Variants in IFT80 observed in about 807,000 individuals in gnomAD.
The protein encoded by IFT80 is intraflagellar transport 80.
A neutral mutation model predicts 107.9 loss-of-function variants in IFT80; 79 were observed. The observed-to-expected ratio is 0.73, with a 90% confidence interval of 0.61 to 0.88. The LOEUF is 0.88. Ranked by LOEUF, IFT80 falls within the 40% of genes least tolerant of loss-of-function variation. IFT80 has a pLI of 0.00. For synonymous variants in IFT80, 299 were observed against 300.9 expected (o/e 0.99, Z 0.07); for missense variants, 797 against 914.2 (o/e 0.87, Z 1.65).
chr3:160,268,740 C>G, intron 18 of IFT80: 1 of 547,702 alleles, frequency 1.8e-6, no homozygotes. Flanking sequence ...TCTCCCTGAC[C>G]AGCTCTTCTT....
intron 18 of IFT80, 129 bp downstream of exon 18, chr3:160,277,177 A>G (rs1170730748): frequency 3.8e-6 from 3 of 794,574 alleles, no homozygotes; most frequent in Non-Finnish European, 6.6e-6. Flanking sequence ...ACAAATATGA[A>G]TATGAATAAA....
At chr3:160,269,778 G>T (rs978988718) in intron 18 of IFT80, among the ~76,000 whole-genome samples, 1 of 152,092 alleles carries the variant, frequency 6.6e-6, no homozygotes, top group African/African-American at 2.4e-5. Context: ...CTGTCATCTT[G>T]TTTCAAAATA....
chr3:160,368,552 T>C (rs2108381941), intron 5 of IFT80, among the ~76,000 whole-genome samples: 1 of 152,052 alleles, frequency 6.6e-6, no homozygotes, highest in Non-Finnish European at 1.5e-5. Flanking sequence ...GTATATTTTC[T>C]GGGAATATTC....
At chr3:160,282,641 G>A in intron 13 of IFT80, 28 bp from the exon 14 acceptor site, 1 of 1,401,066 alleles carries the variant, frequency 7.1e-7, no homozygotes, top group South Asian at 1.2e-5. Context: ...TGTAAATACT[G>A]GGTTAGTTTT....
chr3:160,338,225 G>C (rs1483780251), intron 8 of IFT80, among the ~76,000 whole-genome samples: 1 of 152,114 alleles, frequency 6.6e-6, no homozygotes, highest in Non-Finnish European at 1.5e-5. Context: ...ATGGATAAAT[G>C]AAAAAACTCT....
chr3:160,360,339 A>G (rs1406303602), intron 6 of IFT80, among the ~76,000 whole-genome samples: 8 of 152,240 alleles, frequency 5.3e-5, no homozygotes. Flanking sequence ...AAAGCCTCCA[A>G]GAAATATGGG....
At position 160,301,026 on chromosome 3, in the gene IFT80, C is replaced by T; in HGVS notation, c.1172G>A (p.Gly391Asp). The T allele has an allele frequency of 6.3e-7, 1 of 1,582,706 alleles. No individual in the cohort carries two copies. The highest frequency in any genetic ancestry group is 8.6e-7 in the Non-Finnish European group (1 of 1,157,220). Residue 391 changes from glycine to aspartate, a missense_variant, in exon 12 of 20, where the codon GGT (glycine) becomes GAT (aspartate). Gly to Asp is a moderately conservative substitution (Grantham distance 94). Coordinates refer to ENST00000326448, the MANE Select transcript of IFT80 (RefSeq NM_020800.3). ...QAERHFLLVD[G>D]SSIYLYSYEG... ...ATATGAATATAAATAGATACTACTA[C>T]CATCTACAAGAAGAAAATGTCTAAA... is the stretch of plus-strand genomic sequence containing the variant.
chr3:160,355,981 C>T, intron 8 of IFT80, 32 bp downstream of exon 8: 1 of 1,612,750 alleles, frequency 6.2e-7, no homozygotes, highest in Non-Finnish European at 8.5e-7. Flanking sequence ...TTTATGACAG[C>T]ACATCTGTGA....
At chr3:160,395,383 T>C (rs560373284) in intron 1 of IFT80, among the ~76,000 whole-genome samples, 1 of 152,344 alleles carries the variant, frequency 6.6e-6, no homozygotes, top group African/African-American at 2.4e-5. Flanking sequence ...TAAATGTTAG[T>C]ATTTCCAGTG....
intron 9 of IFT80, among the ~76,000 whole-genome samples, chr3:160,317,414 T>G (rs1006339717): frequency 1.3e-5 from 2 of 152,118 alleles, no homozygotes; most frequent in African/African-American, 4.8e-5. Context: ...TTATTTCACA[T>G]AAAAATCCTC....
At chr3:160,338,734 C>A (rs773622456) in intron 8 of IFT80, among the ~76,000 whole-genome samples, 5 of 152,010 alleles carry the variant, frequency 3.3e-5, no homozygotes, top group Non-Finnish European at 5.9e-5. Flanking sequence ...GGGATCTGGA[C>A]CTTACTGACC....
At position 160,300,166 on chromosome 3, in the gene IFT80, T is replaced by C. The variant is rs114196312; in HGVS notation, c.1315+717A>G. 4.4e-3 allele frequency among the ~76,000 whole-genome samples: 676 copies of C among 152,284 alleles called. 7 individuals carry two copies. The highest frequency in any genetic ancestry group is 0.016 in the African/African-American group (651 of 41,562). The stretch of plus-strand genomic sequence containing the variant: ...CCCTGCGCTAGTTTTCTTCATAGCA[T>C]GTATCATTACCTGACAATTTATTAT... On this transcript the variant is annotated intron_variant, in intron 12 of 19. Coordinates refer to ENST00000326448, the MANE Select transcript of IFT80 (RefSeq NM_020800.3).
intron 7 of IFT80, among the ~76,000 whole-genome samples, chr3:160,357,054 T>C (rs1008775851): frequency 1.3e-5 from 2 of 152,224 alleles, no homozygotes; most frequent in Admixed American, 6.5e-5. Context: ...TTAGGGGCTA[T>C]ACTGATATTG....
chr3:160,291,945 T>A lies in IFT80; in HGVS notation c.1316-6077A>T, dbSNP rs568922571. Among the ~76,000 whole-genome samples, 18 of 152,326 alleles carry A rather than the reference T, an allele frequency of 1.2e-4. 1 individual carries two copies. Among genetic ancestry groups the A allele is most frequent in the Non-Finnish European group, 1.3e-4 (9 of 68,022 alleles). The stretch of plus-strand genomic sequence containing the variant: ...ACTGGGGGCTGCAGCAATGCAGAGA[T>A]GAACTGAATCTAGAAATGTTCCTCT... On this transcript the variant is annotated intron_variant, in intron 12 of 19. Coordinates refer to ENST00000326448, the MANE Select transcript of IFT80 (RefSeq NM_020800.3).
chr3:160,371,128 C>T (rs557352615), intron 5 of IFT80, among the ~76,000 whole-genome samples: 65 of 152,266 alleles, frequency 4.3e-4, no homozygotes, highest in Middle Eastern at 3.4e-3. Flanking sequence ...ATCCTTCACA[C>T]GGCCTACACT....
At chr3:160,385,249 G>A (rs1712833424) in intron 1 of IFT80, among the ~76,000 whole-genome samples, 1 of 151,938 alleles carries the variant, frequency 6.6e-6, no homozygotes. Flanking sequence ...TAAAAACTTA[G>A]GAAAAGAAGA....
intron 14 of IFT80, among the ~76,000 whole-genome samples, chr3:160,281,250 G>C (rs547518198): frequency 6.6e-6 from 1 of 152,246 alleles, no homozygotes; most frequent in Admixed American, 6.5e-5. Flanking sequence ...GGACCTAGCT[G>C]CATACTGCTT....
At chr3:160,295,139 T>C (rs1470275619) in intron 12 of IFT80, among the ~76,000 whole-genome samples, 2 of 152,260 alleles carry the variant, frequency 1.3e-5, no homozygotes, top group Non-Finnish European at 2.9e-5. Context: ...TAATTAATCA[T>C]CAAGGAAATG....
At chr3:160,289,481 G>T (rs924022114) in intron 12 of IFT80, among the ~76,000 whole-genome samples, 3 of 152,112 alleles carry the variant, frequency 2.0e-5, no homozygotes, top group Non-Finnish European at 4.4e-5. Context: ...GTTTTTTAAA[G>T]AAACGAGGTG....
Sources: allele counts gnomAD v4.1 joint callset (sites outside exome capture counted in the v4.1 genomes callset), GRCh38; gene constraint gnomAD v4.1.1; transcripts MANE v1.5; gene names NCBI Gene and HGNC (gene_info 2026-07-23, HGNC 2026-07-21).